Variants in ZBTB16 observed in about 807,000 individuals in gnomAD.
ZBTB16 encodes zinc finger and BTB domain-containing protein 16.
A neutral mutation model predicts 56.8 loss-of-function variants in ZBTB16; 8 were observed. That is an observed-to-expected ratio of 0.14 (90% CI 0.08 to 0.25). The LOEUF is 0.25. ZBTB16 is among the 10% of genes least tolerant of loss of function. The pLI, the probability that ZBTB16 is intolerant of heterozygous loss-of-function variation, is 1.00. For synonymous variants in ZBTB16, 363 were observed against 368.5 expected (o/e 0.98, Z 0.17); for missense variants, 625 against 903.0 (o/e 0.69, Z 3.95).
chr11:114,253,414 CA>C lies in ZBTB16; in HGVS notation c.*2868del, dbSNP rs3842271. Among the ~76,000 whole-genome samples the C allele has an allele frequency of 1.6e-3, 247 of 151,550 alleles. 1 individual carries two copies. The highest frequency in any genetic ancestry group is 5.8e-3 in the East Asian group (30 of 5,160). On this transcript the variant is annotated 3_prime_UTR_variant, in exon 7 of 7. Coordinates refer to ENST00000335953, the MANE Select transcript of ZBTB16 (RefSeq NM_006006.6). Reference sequence around the variant, plus strand: ...GTAATGTGAATAGGAAGACAAAAGACAAAAAAAAATCCACCACCACCAAAAT... The same window carrying C: ...GTAATGTGAATAGGAAGACAAAAGACAAAAAAAATCCACCACCACCAAAAT...
intron 2 of ZBTB16, among the ~76,000 whole-genome samples, chr11:114,097,613 CTGAG>C (rs1940465344): frequency 6.6e-6 from 1 of 152,068 alleles, no homozygotes; most frequent in South Asian, 2.1e-4. Flanking sequence ...GCCTGTACTC[CTGAG>C]TATCAGCGAT....
intron 3 of ZBTB16, among the ~76,000 whole-genome samples, chr11:114,185,815 C>T (rs2135057414): frequency 1.3e-5 from 2 of 152,240 alleles, no homozygotes; most frequent in Admixed American, 1.3e-4. Context: ...AGACTATTAG[C>T]CAGTGATAAA....
chr11:114,195,791 G>A (rs1250891318), intron 4 of ZBTB16, among the ~76,000 whole-genome samples: 1 of 152,176 alleles, frequency 6.6e-6, no homozygotes, highest in Non-Finnish European at 1.5e-5. Context: ...TTCCTCAGAG[G>A]CTTCTGAGAA....
At chr11:114,160,026 A>C (rs1384144503) in intron 3 of ZBTB16, among the ~76,000 whole-genome samples, 1 of 150,538 alleles carries the variant, frequency 6.6e-6, no homozygotes, top group Non-Finnish European at 1.5e-5. Context: ...TGCCCCCCTA[A>C]ATGTTGCTGC....
intron 4 of ZBTB16, among the ~76,000 whole-genome samples, chr11:114,214,007 A>G (rs774940589): frequency 3.3e-5 from 5 of 152,234 alleles, no homozygotes; most frequent in East Asian, 1.9e-4. Context: ...CTATTCTGAC[A>G]TAAATCTGCT....
chr11:114,118,788 A>C (rs1446173671), intron 2 of ZBTB16, among the ~76,000 whole-genome samples: 1 of 152,114 alleles, frequency 6.6e-6, no homozygotes, highest in Admixed American at 6.5e-5. Flanking sequence ...TGAAGAGACA[A>C]ATGTTTTTAA....
intron 2 of ZBTB16, among the ~76,000 whole-genome samples, chr11:114,148,470 T>C (rs1410792091): frequency 9.7e-6 from 1 of 103,460 alleles, no homozygotes; most frequent in Non-Finnish European, 1.8e-5. Flanking sequence ...TCTCTCTCTC[T>C]CTTTCTTTCT....
chr11:114,236,648 A>G (rs1347259028), intron 4 of ZBTB16, among the ~76,000 whole-genome samples: 3 of 152,040 alleles, frequency 2.0e-5, no homozygotes, highest in Non-Finnish European at 2.9e-5. Context: ...AACTTTCCTC[A>G]TCCCTAGCCC....
chr11:114,068,949 C>T (rs1791804), intron 2 of ZBTB16, among the ~76,000 whole-genome samples: 29,996 of 152,156 alleles, frequency 0.2, 3,243 homozygotes, highest in Admixed American at 0.34. Flanking sequence ...CCATGGCTCA[C>T]GCAGCTTGGT....
At chr11:114,236,963 C>T (rs1944606280) in intron 4 of ZBTB16, among the ~76,000 whole-genome samples, 2 of 152,214 alleles carry the variant, frequency 1.3e-5, no homozygotes, top group South Asian at 4.1e-4. Context: ...CTCAAAGATG[C>T]CTTCTCTAGG....
At chr11:114,132,676 G>T (rs1279441395) in intron 2 of ZBTB16, among the ~76,000 whole-genome samples, 1 of 152,188 alleles carries the variant, frequency 6.6e-6, no homozygotes, top group Non-Finnish European at 1.5e-5. Flanking sequence ...TTAAGCAACG[G>T]CAATACCATT....
intron 4 of ZBTB16, among the ~76,000 whole-genome samples, chr11:114,227,456 C>G (rs1202954845): frequency 1.3e-5 from 2 of 152,228 alleles, no homozygotes; most frequent in African/African-American, 4.8e-5. Flanking sequence ...TTCATTTGTG[C>G]AATCCTTTAT....
chr11:114,167,255 A>G (rs1942798820), intron 3 of ZBTB16, among the ~76,000 whole-genome samples: 1 of 15,276 alleles, frequency 6.5e-5, no homozygotes, highest in Non-Finnish European at 2.9e-4. Context: ...TTTTTTTTTG[A>G]CAAGCTTGGT....
chr11:114,062,515 G>A (rs902870885), intron 1 of ZBTB16, among the ~76,000 whole-genome samples: 1 of 152,248 alleles, frequency 6.6e-6, no homozygotes, highest in Non-Finnish European at 1.5e-5. Flanking sequence ...CCAAGTTAGT[G>A]TGTGGGTTGT....
At chr11:114,236,196 G>T (rs140537708) in intron 4 of ZBTB16, among the ~76,000 whole-genome samples, 1 of 152,302 alleles carries the variant, frequency 6.6e-6, no homozygotes, top group East Asian at 1.9e-4. Flanking sequence ...CAGATTGATA[G>T]AAAACAATAC....
At chr11:114,122,528 A>G (rs999147615) in intron 2 of ZBTB16, among the ~76,000 whole-genome samples, 7 of 152,208 alleles carry the variant, frequency 4.6e-5, no homozygotes, top group African/African-American at 1.4e-4. Context: ...ATTTAATATC[A>G]TAATAAAGGA....
rs1318743766 is a variant in ZBTB16 at position 114,254,728 on chromosome 11, C to T, written c.*4173C>T. Among the ~76,000 whole-genome samples, 3 of 152,222 alleles carry T rather than the reference C, an allele frequency of 2.0e-5. No individual in the cohort carries two copies. Among genetic ancestry groups the T allele is most frequent in the African/African-American group, 7.2e-5 (3 of 41,448 alleles). On this transcript the variant is annotated 3_prime_UTR_variant, in exon 7 of 7. Coordinates refer to ENST00000335953, the MANE Select transcript of ZBTB16 (RefSeq NM_006006.6). ...CCCCCTCCCATCATACCTCCTCCTTCCTGGAGCCTCTGCCGGCTTGGCTGT... is the reference window on the plus strand; with the variant it reads ...CCCCCTCCCATCATACCTCCTCCTTTCTGGAGCCTCTGCCGGCTTGGCTGT...
chr11:114,227,791 C>T (rs1944360405), intron 4 of ZBTB16, among the ~76,000 whole-genome samples: 1 of 152,200 alleles, frequency 6.6e-6, no homozygotes, highest in African/African-American at 2.4e-5. Flanking sequence ...CTAGATACTT[C>T]TGGGCGGCAG....
In ZBTB16 at chr11:114,074,951, C is replaced by T. The variant is rs559394320; in HGVS notation, c.1268+10383C>T. On this transcript the variant is annotated intron_variant, in intron 2 of 6. Coordinates refer to ENST00000335953, the MANE Select transcript of ZBTB16 (RefSeq NM_006006.6). ...ATTTATGCAGTGAGGGCGACTTAAC[C>T]GTTTCCATGCCTGGACGGCTGTGCA... Among the ~76,000 whole-genome samples the T allele has an allele frequency of 1.6e-4, 24 of 152,184 alleles. 1 individual carries two copies. Among genetic ancestry groups the T allele is most frequent in the African/African-American group, 5.3e-4 (22 of 41,518 alleles).
Sources: gnomAD v4.1 joint callset for allele counts (sites outside exome capture counted in the v4.1 genomes callset) on GRCh38, gnomAD v4.1.1 for gene constraint, MANE v1.5 for transcripts, NCBI Gene and HGNC (gene_info 2026-07-23, HGNC 2026-07-21) for gene names.